The following SAP130 variants were observed in gnomAD, a reference collection of about 807,000 sequenced individuals.
SAP130 encodes Sin3A associated protein 130, also known as histone deacetylase complex subunit SAP130.
SAP130 carries 16 observed loss-of-function variants against 103.2 expected under a neutral mutation model. The observed-to-expected ratio is 0.16, with a 90% CI of 0.10 to 0.24. The LOEUF is 0.24. Among genes scored for constraint, SAP130 ranks in the 10% least tolerant of loss-of-function variants. The pLI is 1.00. For missense variants in SAP130, 990 were observed against 1,359.7 expected (o/e 0.73, Z 4.28); for synonymous variants, 477 against 497.0 (o/e 0.96, Z 0.53).
intron 15 of SAP130, among the ~76,000 whole-genome samples, chr2:127,970,214 T>C (rs1368738320): frequency 1.1e-4 from 12 of 107,530 alleles, no homozygotes; most frequent in Admixed American, 2.2e-4. Context: ...GGTGGGAGAC[T>C]CCGTCTCAAA....
At position 127,977,966 on chromosome 2, in the gene SAP130, A is replaced by G; in HGVS notation, c.2063+19T>C. ...TGTGTGGGTAAAAGCAAGAGTGCGA[A>G]GAACACTTAGGTGCTCACCCTGCAG... On this transcript the variant is annotated intron_variant, in intron 15 of 20. Transcript: ENST00000643581. The G allele has an allele frequency of 6.6e-7, 1 of 1,522,718 alleles. No individual in the cohort carries two copies. Among genetic ancestry groups the G allele is most frequent in the Non-Finnish European group, 8.9e-7 (1 of 1,120,172 alleles). 94.3% of individuals were successfully genotyped at this position (1,522,718 alleles called of 1,614,324 possible).
chr2:127,999,910 A>G (rs1015976780), intron 9 of SAP130, 65 bp from the exon 10 acceptor site: 2 of 1,437,890 alleles, frequency 1.4e-6, no homozygotes, highest in Non-Finnish European at 1.9e-6. Context: ...CAGATTCTCA[A>G]AAACCTGGGA....
chr2:127,973,989 T>A (rs925984304), intron 15 of SAP130, among the ~76,000 whole-genome samples: 1 of 152,036 alleles, frequency 6.6e-6, no homozygotes, highest in Admixed American at 6.6e-5. Context: ...TGCAGTGAGC[T>A]GAGATTGCAC....
In SAP130 at chr2:127,996,370, C is replaced by T; in HGVS notation, c.1335G>A (p.Met445Ile). 1.2e-6 allele frequency: 2 copies of T among 1,604,660 alleles called. No individual in the cohort carries two copies. Among genetic ancestry groups the T allele is most frequent in the Non-Finnish European group, 1.7e-6 (2 of 1,175,588 alleles). The change falls in exon 11 of 21, where the codon ATG becomes ATA. Residue 445 changes from methionine to isoleucine, a missense_variant. By Grantham distance (10) the Met-to-Ile change is conservative (BLOSUM62 1). Around this residue, in one of 6 missense-constraint regions of SAP130, gnomAD observed 336 missense variants for 520.1 expected, o/e 0.65. Transcript: ENST00000643581. The surrounding 1 kb of genome is among the most constrained non-coding windows in gnomAD (Gnocchi z 4.3). ...GHRASPNPVAMETRSDNRPSV... is the reference protein window; with the variant it reads ...GHRASPNPVAIETRSDNRPSV... ...CCTACCTGTTGTCACTTCGGGTTTC[C>T]ATGGCCACAGGATTGGGAGAGGCCC... is the stretch of plus-strand genomic sequence containing the variant.
At chr2:127,990,156 C>T (rs1005027268) in intron 12 of SAP130, among the ~76,000 whole-genome samples, 12 of 151,750 alleles carry the variant, frequency 7.9e-5, no homozygotes, top group Non-Finnish European at 1.5e-4. Context: ...GCCAGGAAAC[C>T]ATGCTAAATA....
chr2:127,990,341 C>A (rs982459036), intron 12 of SAP130, among the ~76,000 whole-genome samples: 2 of 151,612 alleles, frequency 1.3e-5, no homozygotes, highest in Non-Finnish European at 2.9e-5. Context: ...AAGGCAAACA[C>A]CCCATCTACT....
At chr2:128,010,759 G>A (rs570060209) in intron 6 of SAP130, among the ~76,000 whole-genome samples, 4 of 152,130 alleles carry the variant, frequency 2.6e-5, no homozygotes, top group South Asian at 4.2e-4. Flanking sequence ...AGCTACTCAG[G>A]AGGTTGAGGC....
At chr2:127,999,368 T>C (rs969713606) in intron 10 of SAP130, among the ~76,000 whole-genome samples, 9 of 151,980 alleles carry the variant, frequency 5.9e-5, no homozygotes, top group African/African-American at 1.9e-4. Flanking sequence ...TCCCAGCACT[T>C]TGGGAGGCCG....
At chr2:127,995,810 T>C (rs1225497893) in intron 11 of SAP130, among the ~76,000 whole-genome samples, 1 of 152,054 alleles carries the variant, frequency 6.6e-6, no homozygotes, top group East Asian at 1.9e-4. Context: ...ACATAACCAA[T>C]ACGGGAAAAA....
In SAP130 at chr2:127,942,182, G is replaced by A; in HGVS notation, c.3016-18C>T. 2 of 1,574,172 alleles carry A rather than the reference G, an allele frequency of 1.3e-6. No individual in the cohort carries two copies. Among genetic ancestry groups the A allele is most frequent in the South Asian group, 1.2e-5 (1 of 84,558 alleles). On this transcript the variant is annotated intron_variant, in intron 20 of 20. Transcript: ENST00000643581. The surrounding 1 kb of genome is among the most constrained non-coding windows in gnomAD (Gnocchi z 4.8). ...ATATTTCCCTGAAACAGAAGACATT[G>A]CATCATCAATCAGTGACCATGAGGA...
At chr2:127,972,226 G>A (rs551653638) in intron 15 of SAP130, among the ~76,000 whole-genome samples, 42 of 152,346 alleles carry the variant, frequency 2.8e-4, no homozygotes, top group Non-Finnish European at 5.7e-4. Context: ...GTTGCTCACA[G>A]GGAGACTTTG....
rs140937824 is a variant in SAP130 at position 128,018,584 on chromosome 2, G to A, written c.113-669C>T. Among the ~76,000 whole-genome samples the A allele has an allele frequency of 8.5e-3, 1,286 of 151,686 alleles. 17 individuals are homozygous for A. The highest frequency in any genetic ancestry group is 0.03 in the African/African-American group (1,224 of 41,278). On this transcript the variant is annotated intron_variant, in intron 2 of 20. Coordinates refer to ENST00000643581, the MANE Select transcript of SAP130 (RefSeq NM_001330301.2). ...AGGCAAACAGATCCCTTGAACCCAG[G>A]AGTTCAAGACCAGCCTTGGCAACAC...
Position 127,942,678 on chromosome 2 carries a change from A to G in SAP130, c.2902-141T>C. 1.6e-6 allele frequency: 1 copy of G among 620,686 alleles called. No individual in the cohort carries two copies. Among genetic ancestry groups the G allele is most frequent in the Non-Finnish European group, 2.9e-6 (1 of 348,704 alleles). The allele number at this position is 620,686 out of a possible 1,614,324, so 38.4% of individuals were successfully genotyped here. A position where few individuals can be genotyped will look rare whatever the true frequency, so the allele number is the denominator to read the frequency against. ...GACAACGTCCTTTCTCCTAAGGACT[A>G]AGATACTAAGGTTTAAAAACAGTAA... On this transcript the variant is annotated intron_variant, in intron 19 of 20. Coordinates refer to ENST00000643581, the MANE Select transcript of SAP130 (RefSeq NM_001330301.2). The surrounding 1 kb of genome is among the most constrained non-coding windows in gnomAD (Gnocchi z 4.8).
At position 127,941,239 on chromosome 2, in the gene SAP130, G is replaced by A. The variant is rs1678685943; in HGVS notation, c.*767C>T. The A allele has an allele frequency of 6.6e-6, 1 of 152,152 alleles. No homozygotes were observed. Among genetic ancestry groups the A allele is most frequent in the Non-Finnish European group, 1.5e-5 (1 of 68,032 alleles). 9.4% of individuals were successfully genotyped at this position (152,152 alleles called of 1,614,324 possible). A position where few individuals can be genotyped will look rare whatever the true frequency, so the allele number is the denominator to read the frequency against. The stretch of plus-strand genomic sequence containing the variant: ...TGCGCAAGTACAAAAACCTCTTTGA[G>A]TCCTTTATTAACGTCTGGAGATGTG... On this transcript the variant is annotated 3_prime_UTR_variant, in exon 21 of 21. Coordinates refer to ENST00000643581, the MANE Select transcript of SAP130 (RefSeq NM_001330301.2).
chr2:128,003,062 G>A (rs571040632), intron 7 of SAP130, among the ~76,000 whole-genome samples: 1 of 152,184 alleles, frequency 6.6e-6, no homozygotes, highest in Non-Finnish European at 1.5e-5. Flanking sequence ...CCAGGAGGCA[G>A]AGGTTACAGT....
At chr2:127,949,300 T>C (rs1679332691) in intron 18 of SAP130, among the ~76,000 whole-genome samples, 1 of 152,228 alleles carries the variant, frequency 6.6e-6, no homozygotes, top group Admixed American at 6.5e-5. Flanking sequence ...TAGAAATATT[T>C]GCAGGTATTT....
intron 14 of SAP130, among the ~76,000 whole-genome samples, chr2:127,982,348 C>A (rs1682009994): frequency 6.6e-6 from 1 of 152,010 alleles, no homozygotes; most frequent in Non-Finnish European, 1.5e-5. Flanking sequence ...CTTGAATAGA[C>A]AAGAGAGGAG....
At chr2:127,969,501 G>C (rs780145202) in intron 15 of SAP130, among the ~76,000 whole-genome samples, 6 of 152,164 alleles carry the variant, frequency 3.9e-5, no homozygotes, top group Non-Finnish European at 5.9e-5. Flanking sequence ...ATGCAATCTG[G>C]AAACAGGTGA....
intron 16 of SAP130, among the ~76,000 whole-genome samples, chr2:127,950,801 G>C (rs911001277): frequency 6.6e-6 from 1 of 152,194 alleles, no homozygotes; most frequent in Non-Finnish European, 1.5e-5. Flanking sequence ...CTGGAACTCA[G>C]ACGAGATGGC....
Sources: allele counts gnomAD v4.1 joint callset (sites outside exome capture counted in the v4.1 genomes callset), GRCh38; gene constraint gnomAD v4.1.1; regional missense constraint gnomAD v4.1.1; non-coding constraint Gnocchi (gnomAD v3.1); transcripts MANE v1.5; gene names NCBI Gene and HGNC (gene_info 2026-07-23, HGNC 2026-07-21).